PARVB: variants seen among roughly 807,000 people sequenced by gnomAD.
PARVB encodes the protein parvin beta.
PARVB carries 46 observed loss-of-function variants against 47.0 expected under a neutral mutation model. The observed-to-expected ratio is 0.98, with a 90% CI of 0.77 to 1.25. The LOEUF (loss-of-function observed/expected upper bound fraction) is 1.25. Among genes scored for constraint, PARVB ranks in the 50% most tolerant of loss-of-function variants. The pLI is 0.00. For synonymous variants in PARVB, 196 were observed against 196.3 expected, an observed-to-expected ratio of 1.00 and a Z score of 0.01; for missense variants, 473 against 471.6, an observed-to-expected ratio of 1.00 and a Z score of -0.03.
intron 1 of PARVB, among the ~76,000 whole-genome samples, chr22:44,060,571 C>G (rs16991389): frequency 2.1e-4 from 32 of 152,040 alleles, no homozygotes; most frequent in Non-Finnish European, 4.3e-4. Context: ...TGGGACTTAA[C>G]TGGGTAAATG....
Position 44,119,040 on chromosome 22 carries a change from C to T in PARVB, c.276C>T (p.Val92=), listed in dbSNP as rs746277697. The T allele has an allele frequency of 1.2e-6, 2 of 1,612,370 alleles. No homozygotes were observed. Among genetic ancestry groups the T allele is most frequent in the Non-Finnish European group, 1.7e-6 (2 of 1,178,430 alleles). Residue 92 remains valine (V), a splice_region_variant and synonymous_variant, in exon 4 of 13, where the codon GTC becomes GTT. Transcript: ENST00000338758. ...EDPKFKELVK[V]LLDWINDVLV... is the part of the protein sequence containing the mutation. ...CATAATGCCTGCGTCTCCTGCAGGT[C>T]CTCCTCGACTGGATTAATGACGTGC... is the stretch of plus-strand genomic sequence containing the variant.
chr22:44,166,172 C>T (rs1032531573), intron 12 of PARVB, among the ~76,000 whole-genome samples: 18 of 152,122 alleles, frequency 1.2e-4, no homozygotes, highest in Admixed American at 2.6e-4. Context: ...TGCAGTGGCG[C>T]GATCCCAGCT....
chr22:44,080,307 G>C (rs1220883510), intron 1 of PARVB, among the ~76,000 whole-genome samples: 2 of 152,204 alleles, frequency 1.3e-5, no homozygotes, highest in Admixed American at 6.5e-5. Flanking sequence ...TTACAGTTCT[G>C]GAGGTCAGGA....
chr22:44,070,505 G>T (rs1569090565), intron 1 of PARVB, among the ~76,000 whole-genome samples: 1 of 152,192 alleles, frequency 6.6e-6, no homozygotes, highest in Non-Finnish European at 1.5e-5. Context: ...AACAAGATAG[G>T]AGCTGTTTCC....
chr22:44,115,105 G>A lies in PARVB; in HGVS notation c.274-3933G>A, dbSNP rs1460507318. 8.3e-5 allele frequency: 6 copies of A among 72,286 alleles called. 1 individual carries two copies. Among genetic ancestry groups the A allele is most frequent in the Admixed American group, 7.4e-4 (6 of 8,084 alleles). The allele number at this position is 72,286 out of a possible 1,614,324, so 4.5% of individuals were successfully genotyped here. A position where few individuals can be genotyped will look rare whatever the true frequency, so the allele number is the denominator to read the frequency against. The stretch of plus-strand genomic sequence containing the variant: ...CTAACTAAGGCCCTGCACCAGAACG[G>A]ATACATTGTTACTAAGTAAGGCCCT... On this transcript the variant is annotated intron_variant, in intron 3 of 12. Transcript: ENST00000338758.
chr22:44,012,894 C>CT (rs35313642), intron 2 of PARVB, among the ~76,000 whole-genome samples: 59 of 148,282 alleles, frequency 4.0e-4, no homozygotes, highest in South Asian at 1.1e-3. Flanking sequence ...ATTTATTTAA[C>CT]TTTTTTTTTT....
At chr22:44,025,584 C>T (rs918690110) in intron 1 of PARVB, among the ~76,000 whole-genome samples, 2 of 152,172 alleles carry the variant, frequency 1.3e-5, no homozygotes, top group African/African-American at 4.8e-5. Context: ...TCCAAGAGGG[C>T]AGGGTCTTGT....
At chr22:44,037,252 GTC>G (rs558552152) in intron 1 of PARVB, among the ~76,000 whole-genome samples, 26 of 151,890 alleles carry the variant, frequency 1.7e-4, no homozygotes, top group African/African-American at 6.0e-4. Flanking sequence ...GTGAAACCTT[GTC>G]TCTACCAAAA....
In PARVB at chr22:44,103,449, T is replaced by TC. The variant is rs2052497410; in HGVS notation, c.273+3330dup. Reference sequence around the variant, plus strand: ...TCCCTGTTGCTCGTCTAGGGTGCCCTCCCCTCACCCCCAAACCCCTGCCAA... The same window carrying TC: ...TCCCTGTTGCTCGTCTAGGGTGCCCTCCCCCTCACCCCCAAACCCCTGCCAA... On this transcript the variant is annotated intron_variant, in intron 3 of 12. Coordinates refer to ENST00000338758, the MANE Select transcript of PARVB (RefSeq NM_013327.5). The surrounding 1 kb of genome is among the most constrained non-coding windows in gnomAD (Gnocchi z 4.6). 1 of 151,732 alleles carries TC rather than the reference T, an allele frequency of 6.6e-6. No individual in the cohort carries two copies. The highest frequency in any genetic ancestry group is 1.5e-5 in the Non-Finnish European group (1 of 67,970). The allele number at this position is 151,732 out of a possible 1,614,324, so 9.4% of individuals were successfully genotyped here. A position where few individuals can be genotyped will look rare whatever the true frequency, so the allele number is the denominator to read the frequency against.
chr22:44,115,507 G>C (rs199792230), intron 3 of PARVB: 1 of 14,812 alleles, frequency 6.8e-5, no homozygotes, highest in African/African-American at 5.6e-4. Context: ...CCCTGCACCA[G>C]AACGGATACA....
intron 1 of PARVB, among the ~76,000 whole-genome samples, chr22:44,024,703 C>G (rs1193737620): frequency 6.6e-6 from 1 of 152,066 alleles, no homozygotes; most frequent in Non-Finnish European, 1.5e-5. Context: ...CGGCGGGGAC[C>G]TCGGGCCACC....
intron 1 of PARVB, among the ~76,000 whole-genome samples, chr22:44,035,670 C>T (rs1332814584): frequency 2.6e-5 from 4 of 152,104 alleles, no homozygotes; most frequent in South Asian, 2.1e-4. Flanking sequence ...CGCGCCCGTC[C>T]GTCAAGGCTT....
At chr22:44,023,141 C>T (rs897846964), upstream of PARVB, among the ~76,000 whole-genome samples, 2 of 152,196 alleles carry the variant, frequency 1.3e-5, no homozygotes, top group African/African-American at 2.4e-5. Context: ...CCTGCCTGTG[C>T]CTTCTCTGTC....
intron 2 of PARVB, among the ~76,000 whole-genome samples, chr22:44,001,207 G>A (rs1209901086): frequency 1.3e-5 from 2 of 152,272 alleles, no homozygotes; most frequent in South Asian, 2.1e-4. Context: ...CCGAGATCAC[G>A]CCACTGCACT....
intron 12 of PARVB, among the ~76,000 whole-genome samples, chr22:44,165,852 C>T (rs1413884462): frequency 1.3e-5 from 2 of 152,234 alleles, no homozygotes; most frequent in Admixed American, 1.3e-4. Flanking sequence ...AGGGTCCTGC[C>T]CACAGAACAC....
At chr22:44,146,371 G>GTGCTCGCACACGCACACA (rs2053681787) in intron 8 of PARVB, 1 of 144,034 alleles carries the variant, frequency 6.9e-6, no homozygotes, top group Admixed American at 6.9e-5. Flanking sequence ...ATGCACACAC[G>GTGCTCGCACACGCACACA]TGCTCGCACA....
intron 1 of PARVB, among the ~76,000 whole-genome samples, chr22:44,080,540 T>C (rs567582497): frequency 6.6e-6 from 1 of 152,260 alleles, no homozygotes; most frequent in East Asian, 1.9e-4. Flanking sequence ...TCAATCACAT[T>C]GGGCCCCCTG....
chr22:44,010,997 T>G (rs967784467), intron 2 of PARVB, among the ~76,000 whole-genome samples: 10 of 151,694 alleles, frequency 6.6e-5, no homozygotes, highest in Non-Finnish European at 1.5e-5. Flanking sequence ...GTTCACGTCA[T>G]TCTCCTGCCT....
chr22:44,087,706 A>AT (rs1164804077), intron 1 of PARVB, among the ~76,000 whole-genome samples: 4 of 148,452 alleles, frequency 2.7e-5, no homozygotes, highest in Middle Eastern at 3.4e-3. Context: ...AAAGAAGAAG[A>AT]TTAAAAAAAA....
Sources: allele counts gnomAD v4.1 joint callset (sites outside exome capture counted in the v4.1 genomes callset), GRCh38; gene constraint gnomAD v4.1.1; non-coding constraint Gnocchi (gnomAD v3.1); transcripts MANE v1.5; gene names NCBI Gene and HGNC (gene_info 2026-07-23, HGNC 2026-07-21).